Variants in NBEAL1 observed in about 807,000 individuals in gnomAD.
NBEAL1 encodes neurobeachin like 1.
NBEAL1 carries 273 observed loss-of-function variants against 351.3 expected under a neutral mutation model. The ratio of observed to expected loss-of-function variants is 0.78; its 90% CI spans 0.70 to 0.86. NBEAL1 has a LOEUF of 0.86. Ranked by LOEUF, NBEAL1 falls within the 40% of genes least tolerant of loss-of-function variation. NBEAL1 has a pLI of 0.00. For synonymous variants in NBEAL1, 1,050 were observed against 1,086.4 expected (o/e 0.97, Z 0.66); for missense variants, 2,961 against 3,201.3 (o/e 0.92, Z 1.81).
intron 39 of NBEAL1, among the ~76,000 whole-genome samples, chr2:203,171,145 C>A (rs1250414414): frequency 6.6e-6 from 1 of 152,046 alleles, no homozygotes; most frequent in South Asian, 2.1e-4. Context: ...GTAATCCCAG[C>A]GACTCAGGAG....
intron 18 of NBEAL1, among the ~76,000 whole-genome samples, chr2:203,116,789 CAAAAA>C (rs34559564): frequency 3.0e-5 from 3 of 100,662 alleles, no homozygotes; most frequent in Non-Finnish European, 2.0e-5. Context: ...GACCCTGTCT[CAAAAA>C]AAAAAAAAAA....
rs76364828 is a variant in NBEAL1, at chr2:203,077,431, C to G, written c.599-321C>G. Among the ~76,000 whole-genome samples the G allele has an allele frequency of 1.1e-3, 173 of 152,310 alleles. 6 individuals are homozygous for G. In the East Asian group the frequency reaches 0.032, roughly 29 times the overall value. On this transcript the variant is annotated intron_variant, in intron 7 of 55. Coordinates refer to ENST00000683969, the MANE Select transcript of NBEAL1 (RefSeq NM_001378026.1). ...GCCAGGTTTGGGTTAGTTTCTAGCC[C>G]TGTCAGTTAGTAACCATGTGACTTC...
intron 35 of NBEAL1, among the ~76,000 whole-genome samples, chr2:203,152,827 G>C (rs1408813661): frequency 2.0e-5 from 3 of 151,440 alleles, no homozygotes; most frequent in Non-Finnish European, 4.4e-5. Flanking sequence ...CCTGAGGTCA[G>C]GAGCTCGAGA....
intron 6 of NBEAL1, 21 bp downstream of exon 6, chr2:203,057,474 C>T (rs973308174): frequency 6.1e-5 from 93 of 1,529,464 alleles, no homozygotes; most frequent in African/African-American, 1.8e-4. Flanking sequence ...TAAATAATAA[C>T]GTTCATTTAA....
intron 51 of NBEAL1, among the ~76,000 whole-genome samples, chr2:203,207,443 G>T (rs981092924): frequency 6.6e-6 from 1 of 152,220 alleles, no homozygotes; most frequent in Non-Finnish European, 1.5e-5. Flanking sequence ...GGGCCATGAT[G>T]ACAATGGCGG....
chr2:203,072,592 A>G (rs975190471), intron 7 of NBEAL1, among the ~76,000 whole-genome samples: 1 of 152,216 alleles, frequency 6.6e-6, no homozygotes, highest in African/African-American at 2.4e-5. Flanking sequence ...TTAGCTAAAT[A>G]TCCAATTTCA....
chr2:203,059,669 T>G (rs1485354001), intron 6 of NBEAL1, among the ~76,000 whole-genome samples: 1 of 152,230 alleles, frequency 6.6e-6, no homozygotes, highest in Non-Finnish European at 1.5e-5. Flanking sequence ...TAGTTGTCAG[T>G]TAGTGCCGTG....
intron 2 of NBEAL1, among the ~76,000 whole-genome samples, chr2:203,023,523 A>G (rs1396531443): frequency 3.3e-5 from 5 of 152,178 alleles, no homozygotes; most frequent in African/African-American, 1.2e-4. Flanking sequence ...TTTCCCTGGA[A>G]GAAGGTGAAA....
rs556585028 is a variant in NBEAL1 at position 203,152,515 on chromosome 2, G to A, written c.5587+926G>A. ...TGAGGCAGGAGAATTGCTTGAACCCGGGAGGCGGAGGTTGCAGTGACCTGA... is the reference window on the plus strand; with the variant it reads ...TGAGGCAGGAGAATTGCTTGAACCCAGGAGGCGGAGGTTGCAGTGACCTGA... On this transcript the variant is annotated intron_variant, in intron 35 of 55. Coordinates refer to ENST00000683969, the MANE Select transcript of NBEAL1 (RefSeq NM_001378026.1). Among the ~76,000 whole-genome samples the A allele has an allele frequency of 3.6e-3, 550 of 151,404 alleles. 2 individuals are homozygous for A. The highest frequency in any genetic ancestry group is 4.5e-3 in the Non-Finnish European group (308 of 67,774).
intron 3 of NBEAL1, 99 bp downstream of exon 3, chr2:203,041,955 C>G (rs2061149162): frequency 2.6e-6 from 2 of 759,450 alleles, no homozygotes. Flanking sequence ...ATTATGTTAC[C>G]CTCTTGATAC....
chr2:203,115,708 G>T (rs973197170), intron 17 of NBEAL1, among the ~76,000 whole-genome samples: 4 of 152,158 alleles, frequency 2.6e-5, no homozygotes, highest in African/African-American at 9.7e-5. Flanking sequence ...GGGATTACAG[G>T]CATGAGCTGT....
rs2061929399 is a variant in NBEAL1 at position 203,084,506 on chromosome 2, T to C, written c.1035T>C (p.Leu345=). 1.3e-6 allele frequency: 2 copies of C among 1,545,678 alleles called. No homozygotes were observed. Among genetic ancestry groups the C allele is most frequent in the Non-Finnish European group, 1.7e-6 (2 of 1,144,270 alleles). Residue 345 remains leucine (L), a synonymous_variant, in exon 10 of 56, where the codon CTT becomes CTC. Transcript: ENST00000683969. ...AMLDCTDRPV[L]QAIFLNSNCF... is the part of the protein sequence containing the mutation. ...TAGATTGTACAGATAGACCTGTTCT[T>C]CAGGCCATTTTTCTTAACAGCAATT...
chr2:203,173,449 G>A (rs1190305583), intron 41 of NBEAL1, among the ~76,000 whole-genome samples: 2 of 152,096 alleles, frequency 1.3e-5, no homozygotes, highest in Non-Finnish European at 2.9e-5. Context: ...ACTTAGGGAT[G>A]ACTTTTGAGT....
At chr2:203,139,943 G>A (rs888143104) in intron 31 of NBEAL1, among the ~76,000 whole-genome samples, 18 of 151,990 alleles carry the variant, frequency 1.2e-4, no homozygotes, top group Non-Finnish European at 2.2e-4. Context: ...CTGCATAGAA[G>A]TAATTCTATT....
chr2:203,122,191 T>C, intron 18 of NBEAL1, 63 bp from the exon 19 acceptor site: 1 of 894,448 alleles, frequency 1.1e-6, no homozygotes, highest in Non-Finnish European at 1.7e-6. Context: ...AAATGTTCTA[T>C]ATGTGGTTAA....
At chr2:203,161,184 G>A (rs1009882805) in intron 36 of NBEAL1, among the ~76,000 whole-genome samples, 53 of 151,884 alleles carry the variant, frequency 3.5e-4, no homozygotes, top group African/African-American at 4.1e-4. Flanking sequence ...AAAATTAGCC[G>A]GGTGTGGTGG....
At chr2:203,164,056 C>G (rs2064053057) in intron 36 of NBEAL1, among the ~76,000 whole-genome samples, 1 of 151,846 alleles carries the variant, frequency 6.6e-6, no homozygotes, top group Non-Finnish European at 1.5e-5. Context: ...GTCTGTTCCT[C>G]AGTTTATTTT....
rs1575007039 is a variant in NBEAL1, at chr2:203,125,890, A to C, written c.2852-70A>C. 2.3e-6 allele frequency: 3 copies of C among 1,278,842 alleles called. No individual in the cohort carries two copies. The South Asian group carries it at 5.0e-5, about 21-fold the overall frequency. 79.2% of individuals were successfully genotyped at this position (1,278,842 alleles called of 1,614,324 possible). ...TCTACTTTGTGTAACAGTGTGCATT[A>C]AGATATAGAAAATGTGATATAAAAG... On this transcript the variant is annotated intron_variant, in intron 20 of 55. Coordinates refer to ENST00000683969, the MANE Select transcript of NBEAL1 (RefSeq NM_001378026.1).
chr2:203,020,204 T>C (rs1198444643), intron 2 of NBEAL1, among the ~76,000 whole-genome samples: 1 of 152,198 alleles, frequency 6.6e-6, no homozygotes, highest in Non-Finnish European at 1.5e-5. Flanking sequence ...AACTTCACTT[T>C]CTCCTTCTAG....
Sources: allele counts gnomAD v4.1 joint callset (sites outside exome capture counted in the v4.1 genomes callset), GRCh38; gene constraint gnomAD v4.1.1; transcripts MANE v1.5; gene names NCBI Gene and HGNC (gene_info 2026-07-23, HGNC 2026-07-21).